The following SMARCD3 variants were observed in gnomAD, a reference collection of about 807,000 sequenced individuals.
The protein encoded by SMARCD3 is SWI/SNF-related matrix-associated actin-dependent regulator of chromatin subfamily D member 3.
Under a neutral mutation model 58.0 loss-of-function variants are expected in SMARCD3, and 14 were observed. That is an observed-to-expected ratio of 0.24 (90% CI 0.16 to 0.38). The LOEUF (loss-of-function observed/expected upper bound fraction) is 0.38, where lower values mean the gene tolerates loss of function less well. Ranked by LOEUF, SMARCD3 falls within the 10% of genes least tolerant of loss-of-function variation. The pLI is 1.00. For missense variants in SMARCD3, 408 were observed against 636.9 expected, an observed-to-expected ratio of 0.64 and a Z score of 3.87; for synonymous variants, 253 against 253.8, an observed-to-expected ratio of 1.00 and a Z score of 0.03.
Position 151,239,304 on chromosome 7 carries a change from T to TG in SMARCD3, c.1398+91dup. On this transcript the variant is annotated intron_variant, in intron 12 of 12. Coordinates refer to ENST00000262188, the MANE Select transcript of SMARCD3 (RefSeq NM_001003801.2). This position sits in a 1 kb window ranked among gnomAD's most constrained non-coding sequence, Gnocchi z 7.0. ...GAGGCAGCGTGGTGAAGCTTTACTG[T>TG]GGGGAGCTGCGAGGGCTGCCCACAA... The TG allele has an allele frequency of 7.5e-7, 1 of 1,329,240 alleles. No individual in the cohort carries two copies. Among genetic ancestry groups the TG allele is most frequent in the Non-Finnish European group, 1.1e-6 (1 of 923,220 alleles). 82.3% of individuals were successfully genotyped at this position (1,329,240 alleles called of 1,614,324 possible). A position where few individuals can be genotyped will look rare whatever the true frequency, so the allele number is the denominator to read the frequency against.
rs1325436904 is a variant in SMARCD3, at chr7:151,274,979, G to T, written c.39+135C>A. 2.1e-5 allele frequency: 14 copies of T among 679,830 alleles called. No individual in the cohort carries two copies. The Admixed American group carries it at 3.1e-4, about 15-fold the overall frequency. The allele number at this position is 679,830 out of a possible 1,614,324, so 42.1% of individuals were successfully genotyped here. ...AGAGGGACAGAGAGGCCCTGCCATG[G>T]GCACTAAGGAGTCCAGCTGGGGGCA... On this transcript the variant is annotated intron_variant, in intron 2 of 13. Transcript: ENST00000356800.
In SMARCD3 at chr7:151,243,024, G is replaced by A. The variant is rs1402159798; in HGVS notation, c.334-181C>T. On this transcript the variant is annotated intron_variant, in intron 3 of 12. Coordinates refer to ENST00000262188, the MANE Select transcript of SMARCD3 (RefSeq NM_001003801.2). The surrounding 1 kb of genome is among the most constrained non-coding windows in gnomAD (Gnocchi z 4.4). ...CCAGGATGCCATTATCCAGCAGTAG[G>A]GGCCTTGCTGTGTAGGGATAACAAT... Among the ~76,000 whole-genome samples the A allele has an allele frequency of 1.3e-5, 2 of 152,136 alleles. No individual in the cohort carries two copies. Among genetic ancestry groups the A allele is most frequent in the Non-Finnish European group, 2.9e-5 (2 of 67,992 alleles).
intron 2 of SMARCD3, among the ~76,000 whole-genome samples, chr7:151,259,616 T>G (rs1178955271): frequency 8.0e-6 from 1 of 125,748 alleles, no homozygotes; most frequent in African/African-American, 3.3e-5. Context: ...TTTTTTTTTT[T>G]TTTTTTTTTT....
At chr7:151,256,814 C>T (rs1300579675) in intron 2 of SMARCD3, among the ~76,000 whole-genome samples, 1 of 152,104 alleles carries the variant, frequency 6.6e-6, no homozygotes, top group Admixed American at 6.5e-5. Flanking sequence ...AGCCTCCCAC[C>T]ACACCCTCTG....
At chr7:151,273,389 T>G (rs1381103754) in intron 2 of SMARCD3, among the ~76,000 whole-genome samples, 1 of 152,150 alleles carries the variant, frequency 6.6e-6, no homozygotes, top group Non-Finnish European at 1.5e-5. Flanking sequence ...CCTTAGGGCC[T>G]AACGAAGGGC....
intron 2 of SMARCD3, among the ~76,000 whole-genome samples, chr7:151,259,465 A>G (rs900365149): frequency 4.1e-5 from 6 of 146,420 alleles, no homozygotes; most frequent in Non-Finnish European, 7.5e-5. Context: ...TGTTTTCTTC[A>G]CTGCTAAATC....
Position 151,243,650 on chromosome 7 carries a change from G to A in SMARCD3, c.333+9C>T, listed in dbSNP as rs1341935209. 6.3e-7 allele frequency: 1 copy of A among 1,585,286 alleles called. No homozygotes were observed. Among genetic ancestry groups the A allele is most frequent in the Non-Finnish European group, 8.7e-7 (1 of 1,154,034 alleles). On this transcript the variant is annotated intron_variant, in intron 3 of 12. Transcript: ENST00000262188. This position sits in a 1 kb window ranked among gnomAD's most constrained non-coding sequence, Gnocchi z 4.4. Reference sequence around the variant, plus strand: ...GGGTGGGCTGGGGGCTGCTGTGAAAGGCACTCACCCTTTGAGGGAGGATTT... The same window carrying A: ...GGGTGGGCTGGGGGCTGCTGTGAAAAGCACTCACCCTTTGAGGGAGGATTT...
At chr7:151,254,784 A>G (rs1803647638) in intron 2 of SMARCD3, among the ~76,000 whole-genome samples, 1 of 152,102 alleles carries the variant, frequency 6.6e-6, no homozygotes, top group Non-Finnish European at 1.5e-5. Flanking sequence ...GCTTCTGAGG[A>G]CTTGTGAGGC....
intron 2 of SMARCD3, among the ~76,000 whole-genome samples, chr7:151,260,017 C>G (rs771246519): frequency 6.6e-6 from 1 of 152,162 alleles, no homozygotes; most frequent in Non-Finnish European, 1.5e-5. Context: ...AACAGATAAG[C>G]CTATCAGGTT....
In SMARCD3 at chr7:151,242,433, G is replaced by C. The variant is rs1803041198; in HGVS notation, c.579+48C>G. The C allele has an allele frequency of 6.2e-7, 1 of 1,603,616 alleles. No homozygotes were observed. Among genetic ancestry groups the C allele is most frequent in the Non-Finnish European group, 8.5e-7 (1 of 1,175,562 alleles). ...GACACCTTGTTCTGTTCTCAGTGCA[G>C]CCCATGCCCACCCCAGGACACCTGG... On this transcript the variant is annotated intron_variant, in intron 5 of 12. Coordinates refer to ENST00000262188, the MANE Select transcript of SMARCD3 (RefSeq NM_001003801.2). The surrounding 1 kb of genome is among the most constrained non-coding windows in gnomAD (Gnocchi z 4.7).
At position 151,248,444 on chromosome 7, in the gene SMARCD3, CCAGCTCGCTTGCCCT is replaced by C; in HGVS notation, c.78+26_78+40del. The C allele has an allele frequency of 3.2e-6, 5 of 1,554,722 alleles. No homozygotes were observed. Among genetic ancestry groups the C allele is most frequent in the Non-Finnish European group, 4.4e-6 (5 of 1,128,786 alleles). On this transcript the variant is annotated intron_variant, in intron 1 of 12. Transcript: ENST00000262188. This position sits in a 1 kb window ranked among gnomAD's most constrained non-coding sequence, Gnocchi z 6.1. ...CGATCAGCCCTCCATTCAGCCCGAGCCAGCTCGCTTGCCCTCCCCCGCTAACTTTCCCCCACTCAC... is the reference window on the plus strand; with the variant it reads ...CGATCAGCCCTCCATTCAGCCCGAGCCCCCCGCTAACTTTCCCCCACTCAC...
chr7:151,240,749 C>G, intron 8 of SMARCD3: 3 of 549,530 alleles, frequency 5.5e-6, no homozygotes, highest in East Asian at 3.1e-5. Flanking sequence ...AGTGCGGGCC[C>G]TGGGTCAGCC....
At chr7:151,251,744 C>T (rs1803519612), upstream of SMARCD3, among the ~76,000 whole-genome samples, 1 of 151,810 alleles carries the variant, frequency 6.6e-6, no homozygotes, top group Non-Finnish European at 1.5e-5. Flanking sequence ...CGCCGCAGTC[C>T]CCCCTGCCGT....
rs1803291226 is a variant in SMARCD3 at position 151,246,860 on chromosome 7, G to A, written c.79-1189C>T. ...GATGGGGACTGGGACCACGAAAGCA[G>A]GAAGAAGATCAGAGGGCAGGGGATG... On this transcript the variant is annotated intron_variant, in intron 1 of 12. Coordinates refer to ENST00000262188, the MANE Select transcript of SMARCD3 (RefSeq NM_001003801.2). This position sits in a 1 kb window ranked among gnomAD's most constrained non-coding sequence, Gnocchi z 4.4. Among the ~76,000 whole-genome samples the A allele has an allele frequency of 6.6e-6, 1 of 152,128 alleles. No individual in the cohort carries two copies. The highest frequency in any genetic ancestry group is 2.4e-5 in the African/African-American group (1 of 41,410).
In SMARCD3 at chr7:151,241,711, GC is replaced by G; in HGVS notation, c.778-59del. 1 of 1,528,056 alleles carries G rather than the reference GC, an allele frequency of 6.5e-7. No individual in the cohort carries two copies. Among genetic ancestry groups the G allele is most frequent in the Non-Finnish European group, 9.0e-7 (1 of 1,114,866 alleles). 94.7% of individuals were successfully genotyped at this position (1,528,056 alleles called of 1,614,324 possible). On this transcript the variant is annotated intron_variant, in intron 7 of 12. Transcript: ENST00000262188. This position sits in a 1 kb window ranked among gnomAD's most constrained non-coding sequence, Gnocchi z 5.3. ...AGGGAGAGAAAGGAAGGAGCCCAGG[GC>G]CAGGCCATTCAGGACTAGGGGGATG...
In SMARCD3 at chr7:151,242,895, C is replaced by T; in HGVS notation, c.334-52G>A. On this transcript the variant is annotated intron_variant, in intron 3 of 12. Coordinates refer to ENST00000262188, the MANE Select transcript of SMARCD3 (RefSeq NM_001003801.2). The surrounding 1 kb of genome is among the most constrained non-coding windows in gnomAD (Gnocchi z 4.7). ...TCAGAGGCTCAAGTCCAGGGTTGTA[C>T]CATGGAATGTATGCATGTTGTGCAA... 1 of 1,602,254 alleles carries T rather than the reference C, an allele frequency of 6.2e-7. No homozygotes were observed. Among genetic ancestry groups the T allele is most frequent in the Non-Finnish European group, 8.5e-7 (1 of 1,175,248 alleles).
chr7:151,261,176 C>T (rs1337148135), intron 2 of SMARCD3, among the ~76,000 whole-genome samples: 4 of 152,236 alleles, frequency 2.6e-5, no homozygotes, highest in Non-Finnish European at 4.4e-5. Flanking sequence ...TGTGATGGCT[C>T]CTAGCCTGGA....
At chr7:151,258,106 C>A (rs2150606289) in intron 2 of SMARCD3, among the ~76,000 whole-genome samples, 1 of 152,248 alleles carries the variant, frequency 6.6e-6, no homozygotes, top group Middle Eastern at 3.4e-3. Flanking sequence ...TCCCTCACAC[C>A]CTACATCCAC....
upstream of SMARCD3, chr7:151,248,712 A>C: frequency 1.6e-6 from 2 of 1,229,252 alleles, no homozygotes; most frequent in Non-Finnish European, 1.0e-6. The surrounding 1 kb of genome is among the most constrained non-coding windows in gnomAD (Gnocchi z 6.1). Flanking sequence ...GGGCCCCTTC[A>C]GGGCTGCCCT....
Sources: gnomAD v4.1 joint callset for allele counts (sites outside exome capture counted in the v4.1 genomes callset) on GRCh38, gnomAD v4.1.1 for gene constraint, Gnocchi (gnomAD v3.1) non-coding constraint, MANE v1.5 for transcripts, NCBI Gene and HGNC (gene_info 2026-07-23, HGNC 2026-07-21) for gene names.